LEKR1: variants seen among roughly 807,000 people sequenced by gnomAD.
LEKR1 encodes leucine, glutamate and lysine rich 1, also known as protein LEKR1.
In LEKR1, 59 loss-of-function variants were observed where a neutral mutation model predicts 72.4. The ratio of observed to expected loss-of-function variants is 0.82; its 90% confidence interval spans 0.66 to 1.01. The LOEUF (loss-of-function observed/expected upper bound fraction) is 1.01, where lower values mean the gene tolerates loss of function less well. Ranked by LOEUF, LEKR1 falls within the 50% of genes least tolerant of loss-of-function variation. LEKR1 has a pLI of 0.00. For synonymous variants in LEKR1, 257 were observed against 263.2 expected (o/e 0.98, Z 0.23); for missense variants, 728 against 759.2 (o/e 0.96, Z 0.48).
At chr3:156,885,147 A>G (rs1719916889) in intron 3 of LEKR1, among the ~76,000 whole-genome samples, 1 of 152,008 alleles carries the variant, frequency 6.6e-6, no homozygotes, top group Admixed American at 6.5e-5. Flanking sequence ...CTTTTTCTTT[A>G]TGATACCTAT....
intron 5 of LEKR1, among the ~76,000 whole-genome samples, chr3:156,939,777 G>A (rs746511012): frequency 6.6e-5 from 10 of 151,470 alleles, no homozygotes; most frequent in Non-Finnish European, 1.5e-4. Flanking sequence ...ATAAAATTTC[G>A]GGAAAAATAT....
intron 3 of LEKR1, among the ~76,000 whole-genome samples, chr3:156,861,507 T>A (rs1405232356): frequency 4.6e-5 from 7 of 152,096 alleles, no homozygotes; most frequent in Non-Finnish European, 1.0e-4. Flanking sequence ...CACATCTCTC[T>A]TGAGATTCTG....
chr3:156,995,239 T>G (rs1731467954), intron 9 of LEKR1, among the ~76,000 whole-genome samples: 1 of 152,228 alleles, frequency 6.6e-6, no homozygotes, highest in South Asian at 2.1e-4. Context: ...ATAGCTTTCT[T>G]GGGGAATTGC....
intron 5 of LEKR1, among the ~76,000 whole-genome samples, chr3:156,931,235 T>C (rs1725195996): frequency 6.6e-6 from 1 of 152,104 alleles, no homozygotes; most frequent in Non-Finnish European, 1.5e-5. Context: ...CCAAAAGATC[T>C]GAACAGACAC....
At chr3:156,994,640 G>A (rs776648338) in intron 9 of LEKR1, among the ~76,000 whole-genome samples, 7 of 152,134 alleles carry the variant, frequency 4.6e-5, no homozygotes, top group Non-Finnish European at 7.4e-5. Context: ...GAAAGATTCA[G>A]CATGTGTAAG....
intron 10 of LEKR1, among the ~76,000 whole-genome samples, chr3:157,012,615 C>A (rs1032256796): frequency 1.3e-5 from 2 of 152,070 alleles, no homozygotes; most frequent in Non-Finnish European, 1.5e-5. Flanking sequence ...CCAATAGTAG[C>A]CCTCTAAAAA....
chr3:156,971,228 A>C (rs1729155333), intron 6 of LEKR1, among the ~76,000 whole-genome samples: 2 of 152,234 alleles, frequency 1.3e-5, no homozygotes, highest in South Asian at 4.1e-4. Context: ...TGACAAAAAC[A>C]AGAAATGGGG....
Position 156,846,024 on chromosome 3 carries a change from G to C in LEKR1, c.49-6744G>C, listed in dbSNP as rs193095199. ...TTGTAGTTTTCAGCATACGAATCTT[G>C]TACATATTTTGTTATATCTACACCT... On this transcript the variant is annotated intron_variant, in intron 2 of 12. Coordinates refer to ENST00000356539, the MANE Select transcript of LEKR1 (RefSeq NM_001004316.3). Among the ~76,000 whole-genome samples, 13 of 151,842 alleles carry C rather than the reference G, an allele frequency of 8.6e-5. No homozygotes were observed. In the East Asian group the frequency reaches 2.3e-3, roughly 27 times the overall value.
chr3:156,832,727 A>C (rs1461237536), intron 2 of LEKR1, among the ~76,000 whole-genome samples: 1 of 152,178 alleles, frequency 6.6e-6, no homozygotes, highest in Non-Finnish European at 1.5e-5. Flanking sequence ...AGAAAGTGAC[A>C]TTCTTTATTT....
At chr3:157,031,095 T>C (rs1291342255) in intron 12 of LEKR1, among the ~76,000 whole-genome samples, 1 of 152,056 alleles carries the variant, frequency 6.6e-6, no homozygotes, top group Non-Finnish European at 1.5e-5. Flanking sequence ...TAAGGATCAT[T>C]AAGGGGGCGT....
At chr3:156,923,731 ATT>A (rs35293525) in intron 4 of LEKR1, among the ~76,000 whole-genome samples, 42 of 146,732 alleles carry the variant, frequency 2.9e-4, no homozygotes, top group South Asian at 4.3e-4. Flanking sequence ...TGTATATTTA[ATT>A]TTTTTTTTTT....
intron 3 of LEKR1, among the ~76,000 whole-genome samples, chr3:156,869,701 G>C (rs1233086009): frequency 2.6e-5 from 4 of 151,894 alleles, no homozygotes; most frequent in African/African-American, 9.7e-5. Flanking sequence ...GCAGAGGCTT[G>C]TTAGTTTAAT....
rs1157956535 is a variant in LEKR1 at position 156,920,855 on chromosome 3, C to G, written c.383+161C>G. 3.6e-5 allele frequency: 17 copies of G among 476,296 alleles called. No individual in the cohort carries two copies. In the East Asian group the frequency reaches 5.4e-4, roughly 15 times the overall value. The allele number at this position is 476,296 out of a possible 1,614,324, so 29.5% of individuals were successfully genotyped here. ...TCTTTTTTCTTTTTTAAACCATTAT[C>G]TCAATGAATAGTGTTGCTAATTAAA... is the stretch of plus-strand genomic sequence containing the variant. On this transcript the variant is annotated intron_variant, in intron 4 of 12. Transcript: ENST00000356539.
chr3:157,045,563 T>C lies in LEKR1; in HGVS notation c.1892T>C (p.Ile631Thr), dbSNP rs757692258. ...GCAAGACTGAACTCTGAAAAAGGAA[T>C]CCAAATTCCCAACCTGCGCGGGGTG... ...SLARLNSEKG[I>T]QIPNLRGVSK... Residue 631 changes from isoleucine to threonine, a missense_variant, in exon 13 of 13, where the codon ATC becomes ACC. Physicochemically the swap from Ile to Thr is moderately conservative, Grantham distance 89. Coordinates refer to ENST00000356539, the MANE Select transcript of LEKR1 (RefSeq NM_001004316.3). The C allele has an allele frequency of 1.9e-6, 3 of 1,613,924 alleles. No homozygotes were observed. Among genetic ancestry groups the C allele is most frequent in the Non-Finnish European group, 2.5e-6 (3 of 1,180,010 alleles).
chr3:156,937,559 C>T (rs1395815774), intron 5 of LEKR1, among the ~76,000 whole-genome samples: 1 of 152,162 alleles, frequency 6.6e-6, no homozygotes, highest in Non-Finnish European at 1.5e-5. Flanking sequence ...TTACTCAGCA[C>T]TGCTGGTAGG....
At chr3:156,833,868 T>C (rs1712759990) in intron 2 of LEKR1, among the ~76,000 whole-genome samples, 1 of 151,066 alleles carries the variant, frequency 6.6e-6, no homozygotes, top group Non-Finnish European at 1.5e-5. Flanking sequence ...CCAATAAAGG[T>C]AGCATGTGGC....
At chr3:156,930,395 G>T (rs1460360372) in intron 5 of LEKR1, among the ~76,000 whole-genome samples, 2 of 151,742 alleles carry the variant, frequency 1.3e-5, no homozygotes, top group African/African-American at 4.8e-5. Context: ...TTATTTTGTG[G>T]GGCTTATAAA....
chr3:157,023,298 T>G (rs1733965873), intron 10 of LEKR1, among the ~76,000 whole-genome samples: 1 of 152,162 alleles, frequency 6.6e-6, no homozygotes. Context: ...AGTAAATGAC[T>G]CCAGTTCTAA....
intron 3 of LEKR1, among the ~76,000 whole-genome samples, chr3:156,891,991 A>C (rs1720710664): frequency 1.3e-5 from 2 of 152,090 alleles, no homozygotes; most frequent in African/African-American, 4.8e-5. Context: ...AGACAAGATT[A>C]CAAGAAACCA....
Sources: gnomAD v4.1 joint callset for allele counts (sites outside exome capture counted in the v4.1 genomes callset) on GRCh38, gnomAD v4.1.1 for gene constraint, MANE v1.5 for transcripts, NCBI Gene and HGNC (gene_info 2026-07-23, HGNC 2026-07-21) for gene names.